LRRC7: variants seen among roughly 807,000 people sequenced by gnomAD.
LRRC7 encodes the protein leucine-rich repeat-containing protein 7.
LRRC7 carries 23 observed loss-of-function variants against 175.7 expected under a neutral mutation model. The ratio of observed to expected loss-of-function variants is 0.13; its 90% confidence interval spans 0.09 to 0.19. LRRC7 has a LOEUF of 0.19. LRRC7 is among the 10% of genes least tolerant of loss of function. The pLI is 1.00. For synonymous variants in LRRC7, 685 were observed against 680.9 expected (o/e 1.01, Z -0.09); for missense variants, 1,354 against 1,904.7 (o/e 0.71, Z 5.38).
chr1:69,994,303 G>T (rs143650078), intron 10 of LRRC7, among the ~76,000 whole-genome samples: 1 of 152,226 alleles, frequency 6.6e-6, no homozygotes, highest in East Asian at 1.9e-4. Context: ...GTCAACTGGG[G>T]TGTATGTGGA....
At chr1:69,964,711 T>TA (rs1417586238) in intron 8 of LRRC7, among the ~76,000 whole-genome samples, 1 of 152,210 alleles carries the variant, frequency 6.6e-6, no homozygotes, top group East Asian at 1.9e-4. Context: ...ACTTAACACT[T>TA]AACTTCCTGT....
chr1:69,804,825 T>A (rs1676928340), intron 4 of LRRC7, among the ~76,000 whole-genome samples: 1 of 151,716 alleles, frequency 6.6e-6, no homozygotes, highest in Admixed American at 6.6e-5. Context: ...AGTCCATGCA[T>A]GTTTGTGGAG....
intron 2 of LRRC7, among the ~76,000 whole-genome samples, chr1:69,716,955 A>C (rs987027535): frequency 6.6e-6 from 1 of 151,826 alleles, no homozygotes; most frequent in Non-Finnish European, 1.5e-5. Flanking sequence ...ATCAGAAAAT[A>C]CTAAAGCTAA....
At chr1:69,906,824 G>A (rs1646331094) in intron 7 of LRRC7, among the ~76,000 whole-genome samples, 2 of 152,256 alleles carry the variant, frequency 1.3e-5, no homozygotes, top group South Asian at 2.1e-4. Context: ...GGTGGGGATG[G>A]CGTTGAATCT....
intron 1 of LRRC7, among the ~76,000 whole-genome samples, chr1:69,576,681 T>A (rs1645963125): frequency 6.6e-6 from 1 of 152,216 alleles, no homozygotes; most frequent in Admixed American, 6.5e-5. Context: ...ATGACTAAAT[T>A]AATGCATCAC....
At chr1:69,966,908 C>G (rs1163366625) in intron 8 of LRRC7, among the ~76,000 whole-genome samples, 1 of 152,200 alleles carries the variant, frequency 6.6e-6, no homozygotes, top group Non-Finnish European at 1.5e-5. Flanking sequence ...AAGGAAACCT[C>G]CAGTTGAACT....
intron 22 of LRRC7, 101 bp from the exon 23 acceptor site, chr1:70,052,925 A>T: frequency 8.0e-7 from 1 of 1,249,442 alleles, no homozygotes; most frequent in Non-Finnish European, 1.1e-6. Context: ...TTCTGCAATT[A>T]AACAAAATTA....
chr1:70,047,019 T>A (rs1469042906), intron 22 of LRRC7, among the ~76,000 whole-genome samples: 1 of 152,146 alleles, frequency 6.6e-6, no homozygotes, highest in Non-Finnish European at 1.5e-5. Context: ...AAATCTGTTA[T>A]AACATGTTTA....
chr1:69,897,327 T>C (rs1646007791), intron 7 of LRRC7, among the ~76,000 whole-genome samples: 1 of 152,214 alleles, frequency 6.6e-6, no homozygotes, highest in Non-Finnish European at 1.5e-5. Context: ...TTCAATAAAA[T>C]ATTAGCTTTT....
At position 69,703,832 on chromosome 1, in the gene LRRC7, A is replaced by G. The variant is rs1249536965; in HGVS notation, c.100+25354A>G. Among the ~76,000 whole-genome samples, 3 of 151,986 alleles carry G rather than the reference A, an allele frequency of 2.0e-5. No individual in the cohort carries two copies. In the East Asian group the frequency reaches 5.8e-4, roughly 29 times the overall value. Reference sequence around the variant, plus strand: ...AAAGAATATCAACAAGAAAGTATGCATAGGTAGATAGTGCAGATAATAATG... The same window carrying G: ...AAAGAATATCAACAAGAAAGTATGCGTAGGTAGATAGTGCAGATAATAATG... On this transcript the variant is annotated intron_variant, in intron 2 of 26. Coordinates refer to ENST00000651989, the MANE Select transcript of LRRC7 (RefSeq NM_001370785.2).
At chr1:69,788,973 G>A (rs961134423) in intron 3 of LRRC7, among the ~76,000 whole-genome samples, 1 of 152,144 alleles carries the variant, frequency 6.6e-6, no homozygotes, top group Non-Finnish European at 1.5e-5. Flanking sequence ...TGTCTAGCTT[G>A]TAGCAAGTAT....
chr1:69,963,963 A>G (rs539469004), intron 8 of LRRC7, among the ~76,000 whole-genome samples: 7 of 152,310 alleles, frequency 4.6e-5, no homozygotes, highest in South Asian at 2.1e-4. Flanking sequence ...AATAAGGTCT[A>G]TCTTTAGTAT....
In LRRC7 at chr1:70,124,899, G is replaced by C. The variant is rs535320613; in HGVS notation, c.*3012G>C. ...TGTGATAAGTCAGTAAGATCTAATG[G>C]AGGAGACTGAGAAACATTAGAGGTA... On this transcript the variant is annotated 3_prime_UTR_variant, in exon 27 of 27. Transcript: ENST00000651989. Among the ~76,000 whole-genome samples, 8 of 152,314 alleles carry C rather than the reference G, an allele frequency of 5.3e-5. No homozygotes were observed. The South Asian group carries it at 1.7e-3, about 32-fold the overall frequency.
chr1:70,109,343 A>G (rs1353272722), intron 26 of LRRC7, among the ~76,000 whole-genome samples: 2 of 152,120 alleles, frequency 1.3e-5, no homozygotes, highest in African/African-American at 4.8e-5. Flanking sequence ...TTTTAAACTA[A>G]TTAGCAAGAT....
rs1432248392 is a variant in LRRC7, at chr1:70,028,345, G to T, written c.1969G>T (p.Val657Leu). The change falls in exon 18 of 27, where the codon GTA (valine) becomes TTA (leucine). Residue 657 changes from valine (V) to leucine (L), a missense_variant. By Grantham distance (32) the Val-to-Leu change is conservative (BLOSUM62 1). Transcript: ENST00000651989. ...AGAAAAATATGAACACAAGTGGCCGGTAGCCCCAAAGGAGATTACAGTGGA... is the reference window on the plus strand; with the variant it reads ...AGAAAAATATGAACACAAGTGGCCGTTAGCCCCAAAGGAGATTACAGTGGA... ...VKEKYEHKWP[V>L]APKEITVEDS... The T allele has an allele frequency of 6.2e-7, 1 of 1,613,374 alleles. No individual in the cohort carries two copies. Among genetic ancestry groups the T allele is most frequent in the African/African-American group, 1.3e-5 (1 of 74,890 alleles).
At position 69,568,540 on chromosome 1, in the gene LRRC7, C is replaced by G; in HGVS notation, c.-100C>G. 8.6e-7 allele frequency: 1 copy of G among 1,167,716 alleles called. No individual in the cohort carries two copies. 72.3% of individuals were successfully genotyped at this position (1,167,716 alleles called of 1,614,324 possible). A position where few individuals can be genotyped will look rare whatever the true frequency, so the allele number is the denominator to read the frequency against. ...TCCTCTTCTCCTCCGAAGACCCTGG[C>G]GCCCACTCCACTGCGGACCCCTGAA... is the stretch of plus-strand genomic sequence containing the variant. On this transcript the variant is annotated 5_prime_UTR_variant, in exon 1 of 27. Transcript: ENST00000651989.
chr1:69,729,897 C>A (rs1384236142), intron 2 of LRRC7, among the ~76,000 whole-genome samples: 1 of 152,232 alleles, frequency 6.6e-6, no homozygotes, highest in Admixed American at 6.5e-5. Context: ...TCTTCCTGGT[C>A]ATCCAGGCCT....
At chr1:69,843,916 A>T (rs1271054489) in intron 7 of LRRC7, among the ~76,000 whole-genome samples, 3 of 152,070 alleles carry the variant, frequency 2.0e-5, no homozygotes, top group African/African-American at 4.8e-5. Context: ...CATTTTTGAG[A>T]CAACTGACAA....
chr1:69,852,516 T>C (rs1683100888), intron 7 of LRRC7, among the ~76,000 whole-genome samples: 1 of 152,204 alleles, frequency 6.6e-6, no homozygotes, highest in African/African-American at 2.4e-5. Context: ...ATCTTTCTTC[T>C]CATTTCACTT....
Sources: allele counts gnomAD v4.1 joint callset (sites outside exome capture counted in the v4.1 genomes callset), GRCh38; gene constraint gnomAD v4.1.1; transcripts MANE v1.5; gene names NCBI Gene and HGNC (gene_info 2026-07-23, HGNC 2026-07-21).